The following EIF2AK4 variants were observed in gnomAD, a reference collection of about 807,000 sequenced individuals.
The protein encoded by EIF2AK4 is eIF-2-alpha kinase GCN2.
EIF2AK4 carries 139 observed loss-of-function variants against 211.1 expected under a neutral mutation model. The ratio of observed to expected loss-of-function variants is 0.66; its 90% CI spans 0.57 to 0.76. The LOEUF (loss-of-function observed/expected upper bound fraction) is 0.76, where lower values mean the gene tolerates loss of function less well. Among genes scored for constraint, EIF2AK4 ranks in the 30% least tolerant of loss-of-function variants. The pLI, the probability that EIF2AK4 is intolerant of heterozygous loss-of-function variation, is 0.00. For synonymous variants in EIF2AK4, 710 were observed against 751.3 expected (o/e 0.94, Z 0.90); for missense variants, 1,664 against 2,043.8 (o/e 0.81, Z 3.58).
chr15:39,967,821 G>A lies in EIF2AK4; in HGVS notation c.1495G>A (p.Glu499Lys). The A allele has an allele frequency of 1.2e-6, 2 of 1,614,206 alleles. No homozygotes were observed. Among genetic ancestry groups the A allele is most frequent in the Non-Finnish European group, 1.7e-6 (2 of 1,180,040 alleles). The change falls in exon 9 of 39, where the codon GAG becomes AAG. Residue 499 changes from glutamate (E) to lysine (K), a missense_variant. Coordinates refer to ENST00000263791, the MANE Select transcript of EIF2AK4 (RefSeq NM_001013703.4). ...CCTCAGCCAAGGACAGGAATGTGGA[G>A]AGTACCCTGTGACCATCCCTAGTGA... ...LSLSQGQECG[E>K]YPVTIPSDLP...
intron 2 of EIF2AK4, among the ~76,000 whole-genome samples, chr15:39,941,427 C>A (rs1031208432): frequency 6.6e-6 from 1 of 152,078 alleles, no homozygotes; most frequent in African/African-American, 2.4e-5. Flanking sequence ...CCCTGTTGCT[C>A]AGGAAATTCC....
chr15:40,015,981 T>G (rs917943147), intron 27 of EIF2AK4, among the ~76,000 whole-genome samples: 1 of 151,958 alleles, frequency 6.6e-6, no homozygotes, highest in Non-Finnish European at 1.5e-5. Context: ...GGCATCCAGG[T>G]GGGAGGAGAG....
chr15:40,014,324 C>T (rs2035276826), intron 27 of EIF2AK4, among the ~76,000 whole-genome samples: 1 of 152,252 alleles, frequency 6.6e-6, no homozygotes, highest in Non-Finnish European at 1.5e-5. Context: ...CATAAGAGCC[C>T]CACCCCTGCA....
chr15:39,959,506 C>T (rs576647676), intron 6 of EIF2AK4, among the ~76,000 whole-genome samples: 2 of 152,306 alleles, frequency 1.3e-5, no homozygotes, highest in East Asian at 3.9e-4. Flanking sequence ...CTCTACTTTT[C>T]TTTCAATCCT....
intron 3 of EIF2AK4, among the ~76,000 whole-genome samples, chr15:39,944,329 T>G (rs2034190933): frequency 6.6e-6 from 1 of 152,198 alleles, no homozygotes; most frequent in South Asian, 2.1e-4. Context: ...TGACTGTGCT[T>G]TCCTTAGGCC....
Position 39,947,784 on chromosome 15 carries a change from C to T in EIF2AK4, c.361-1332C>T, listed in dbSNP as rs552181504. Among the ~76,000 whole-genome samples, 53 of 152,316 alleles carry T rather than the reference C, an allele frequency of 3.5e-4. 1 individual carries two copies. In the South Asian group the frequency reaches 0.011, roughly 31 times the overall value. ...AGAGGTCTGAGGGAGGCCAGTGAGCCCTGTAGCACCAGGGGAGTAGGAGGC... is the reference window on the plus strand; with the variant it reads ...AGAGGTCTGAGGGAGGCCAGTGAGCTCTGTAGCACCAGGGGAGTAGGAGGC... On this transcript the variant is annotated intron_variant, in intron 3 of 38. Coordinates refer to ENST00000263791, the MANE Select transcript of EIF2AK4 (RefSeq NM_001013703.4).
At chr15:39,962,574 T>C (rs1435292880) in intron 7 of EIF2AK4, among the ~76,000 whole-genome samples, 1 of 152,174 alleles carries the variant, frequency 6.6e-6, no homozygotes, top group African/African-American at 2.4e-5. Flanking sequence ...TATTCTCCCC[T>C]CAGCCTCCTG....
chr15:39,970,957 C>G (rs2034615520), intron 9 of EIF2AK4, among the ~76,000 whole-genome samples: 1 of 152,096 alleles, frequency 6.6e-6, no homozygotes, highest in South Asian at 2.1e-4. Context: ...AAAAAGTTAC[C>G]ATTTATGATA....
intron 11 of EIF2AK4, chr15:39,975,390 T>G (rs1380567314): frequency 1.3e-5 from 2 of 152,270 alleles, no homozygotes; most frequent in Non-Finnish European, 2.9e-5. Context: ...CACTTAGACT[T>G]TTATTAGTTT....
intron 31 of EIF2AK4, among the ~76,000 whole-genome samples, chr15:40,021,269 C>T (rs2035383675): frequency 6.6e-6 from 1 of 152,200 alleles, no homozygotes; most frequent in African/African-American, 2.4e-5. Context: ...TTAAATTCAA[C>T]AGGGCTGGCT....
At chr15:40,020,763 T>C in intron 30 of EIF2AK4, 136 bp from the exon 31 acceptor site, 1 of 677,180 alleles carries the variant, frequency 1.5e-6, no homozygotes, top group Non-Finnish European at 2.2e-6. Flanking sequence ...GCAAAGTCTT[T>C]GGCACGCTGT....
chr15:39,969,711 C>T (rs148650673), intron 9 of EIF2AK4, among the ~76,000 whole-genome samples: 2 of 152,202 alleles, frequency 1.3e-5, no homozygotes, highest in African/African-American at 2.4e-5. Flanking sequence ...ATACTTCTCT[C>T]CCTGGAGTGG....
chr15:39,975,748 A>G (rs1011652733), intron 11 of EIF2AK4, among the ~76,000 whole-genome samples: 1 of 152,228 alleles, frequency 6.6e-6, no homozygotes, highest in Non-Finnish European at 1.5e-5. Context: ...AACAAAATCA[A>G]TGGGCAGTGA....
intron 16 of EIF2AK4, among the ~76,000 whole-genome samples, 168 bp downstream of exon 16, chr15:39,990,545 A>G (rs1470347441): frequency 6.6e-6 from 1 of 152,240 alleles, no homozygotes; most frequent in African/African-American, 2.4e-5. Context: ...TAGGCTTTGC[A>G]ATTGTGAGTA....
In EIF2AK4 at chr15:39,997,065, T is replaced by G. The variant is rs2035027699; in HGVS notation, c.2868T>G (p.Asp956Glu). The part of the protein sequence containing the change: ...ERIFVLNQLR[D>E]PTSPKFPEDF... ...TCTTTGTTCTCAACCAACTCAGAGATGTATGTATCAGGTGTTTTAGTGCCT... is the reference window on the plus strand; with the variant it reads ...TCTTTGTTCTCAACCAACTCAGAGAGGTATGTATCAGGTGTTTTAGTGCCT... Residue 956 changes from aspartate to glutamate, a missense_variant and splice_region_variant, in exon 19 of 39, where the codon GAT becomes GAG. Asp to Glu is a conservative substitution (Grantham distance 45). This residue lies in a region of EIF2AK4 where 622 missense variants were observed against 796.8 expected (regional missense o/e 0.78). Transcript: ENST00000263791. 1 of 1,607,246 alleles carries G rather than the reference T, an allele frequency of 6.2e-7. No homozygotes were observed.
intron 6 of EIF2AK4, among the ~76,000 whole-genome samples, chr15:39,957,245 C>T (rs2034403728): frequency 6.6e-6 from 1 of 152,148 alleles, no homozygotes. Flanking sequence ...TAACTATAAA[C>T]AGTGAATCCA....
In EIF2AK4 at chr15:40,007,020, C is replaced by T. The variant is rs1395462068; in HGVS notation, c.3362C>T (p.Pro1121Leu). The T allele has an allele frequency of 1.3e-6, 2 of 1,596,150 alleles. No individual in the cohort carries two copies. Among genetic ancestry groups the T allele is most frequent in the Admixed American group, 1.7e-5 (1 of 59,420 alleles). Reference sequence around the variant, plus strand: ...CATATTTTGTTTATTTTTCAGATCCCTTTTGCAAGATATGTGGCAAGAAAT... The same window carrying T: ...CATATTTTGTTTATTTTTCAGATCCTTTTTGCAAGATATGTGGCAAGAAAT... Reference protein sequence around the residue: ...LVMLPFDLRIPFARYVARNNI... With the variant: ...LVMLPFDLRILFARYVARNNI... The change falls in exon 24 of 39, where the codon CCT (proline) becomes CTT (leucine). Residue 1121 changes from proline to leucine, a missense_variant. This residue lies in a region of EIF2AK4 where 622 missense variants were observed against 796.8 expected (regional missense o/e 0.78). Transcript: ENST00000263791.
At chr15:39,967,908 G>C in intron 9 of EIF2AK4, 29 bp downstream of exon 9, 1 of 1,605,252 alleles carries the variant, frequency 6.2e-7, no homozygotes, top group African/African-American at 1.3e-5. Flanking sequence ...CTCTCTAATA[G>C]CACTTTACTC....
chr15:40,017,719 G>C (rs1338992081), intron 29 of EIF2AK4, among the ~76,000 whole-genome samples: 1 of 150,478 alleles, frequency 6.6e-6, no homozygotes, highest in Non-Finnish European at 1.5e-5. Context: ...CTAATTTTTT[G>C]TATTTTCAGT....
Sources: gnomAD v4.1 joint callset for allele counts (sites outside exome capture counted in the v4.1 genomes callset) on GRCh38, gnomAD v4.1.1 for gene constraint, gnomAD v4.1.1 regional missense constraint, MANE v1.5 for transcripts, NCBI Gene and HGNC (gene_info 2026-07-23, HGNC 2026-07-21) for gene names.